Variants in DGAT1 observed in about 807,000 individuals in gnomAD.
The protein encoded by DGAT1 is ACAT related gene product 1.
A neutral mutation model predicts 72.6 loss-of-function variants in DGAT1; 60 were observed. The observed-to-expected ratio is 0.83, with a 90% CI of 0.67 to 1.02. The LOEUF is 1.02. Among genes scored for constraint, DGAT1 ranks in the 50% least tolerant of loss-of-function variants. The pLI is 0.00. For synonymous variants in DGAT1, 290 were observed against 267.5 expected (o/e 1.08, Z -0.82); for missense variants, 592 against 670.0 (o/e 0.88, Z 1.29).
rs369705445 is a variant in DGAT1 at position 144,315,497 on chromosome 8, G to A, written c.*1057C>T. The A allele has an allele frequency of 3.0e-5, 30 of 985,634 alleles. 1 individual carries two copies. In the African/African-American group the frequency reaches 4.5e-4, roughly 15 times the overall value. The allele number at this position is 985,634 out of a possible 1,614,324, so 61.1% of individuals were successfully genotyped here. On this transcript the variant is annotated 3_prime_UTR_variant, in exon 17 of 17. Transcript: ENST00000528718. Reference sequence around the variant, plus strand: ...CATAGCTGCAGGTCTGGGGACACCAGGGCCTGGTCCAGTCTTGGGGTCTTT... The same window carrying A: ...CATAGCTGCAGGTCTGGGGACACCAAGGCCTGGTCCAGTCTTGGGGTCTTT...
chr8:144,316,889 C>A lies in DGAT1; in HGVS notation c.1275G>T (p.Met425Ile). The A allele has an allele frequency of 1.2e-6, 2 of 1,612,126 alleles. No individual in the cohort carries two copies. Among genetic ancestry groups the A allele is most frequent in the East Asian group, 4.5e-5 (2 of 44,846 alleles). The part of the protein sequence containing the change: ...HEYLVSVPLR[M>I]FRLWAFTGMM... ...TGCCCGTGAACGCCCAGAGGCGGAA[C>A]ATTCGCAGAGGGACGCTCACCAGGT... is the stretch of plus-strand genomic sequence containing the variant. The change falls in exon 16 of 17, where the codon ATG (methionine) becomes ATT (isoleucine). Residue 425 changes from methionine (M) to isoleucine (I), a missense_variant. By Grantham distance (10) the Met-to-Ile change is conservative (BLOSUM62 1). Coordinates refer to ENST00000528718, the MANE Select transcript of DGAT1 (RefSeq NM_012079.6).
chr8:144,318,042 A>T lies in DGAT1; in HGVS notation c.752-25T>A, dbSNP rs376658941. On this transcript the variant is annotated intron_variant, in intron 8 of 16. Transcript: ENST00000528718. ...TCTGGAATGGGAATGGGGGGTTGGT[A>T]CCAGAACAGGCCCAGCCTGTCCCCC... The T allele has an allele frequency of 9.9e-6, 15 of 1,518,098 alleles. No homozygotes were observed. In the African/African-American group the frequency reaches 1.8e-4, roughly 18 times the overall value. The allele number at this position is 1,518,098 out of a possible 1,614,324, so 94.0% of individuals were successfully genotyped here. A position where few individuals can be genotyped will look rare whatever the true frequency, so the allele number is the denominator to read the frequency against.
Position 144,316,684 on chromosome 8 carries a change from C to A in DGAT1, c.1337G>T (p.Arg446Leu), listed in dbSNP as rs782420067. 5.6e-5 allele frequency: 90 copies of A among 1,611,900 alleles called. No homozygotes were observed. The highest frequency in any genetic ancestry group is 1.7e-4 in the Middle Eastern group (1 of 6,052). Residue 446 changes from arginine to leucine, a missense_variant, in exon 17 of 17, where the codon CGC (arginine) becomes CTC (leucine). By Grantham distance (102) the Arg-to-Leu change is moderately radical. Transcript: ENST00000528718. ...AQIPLAWFVG[R>L]FFQGNYGNAA... ...GTTGCCATAGTTGCCCTGGAAAAAGCGGCCCACGAACCAGGCCAGTGGGAT... is the reference window on the plus strand; with the variant it reads ...GTTGCCATAGTTGCCCTGGAAAAAGAGGCCCACGAACCAGGCCAGTGGGAT...
chr8:144,322,668 T>C (rs567752088), intron 1 of DGAT1, among the ~76,000 whole-genome samples: 1 of 152,258 alleles, frequency 6.6e-6, no homozygotes, highest in Non-Finnish European at 1.5e-5. Context: ...TGGACAAGTC[T>C]ACACTAGTCC....
chr8:144,317,658 C>T lies in DGAT1; in HGVS notation c.936+13G>A, dbSNP rs1554847359. The T allele has an allele frequency of 1.1e-5, 18 of 1,613,754 alleles. No homozygotes were observed. The highest frequency in any genetic ancestry group is 1.5e-5 in the Non-Finnish European group (18 of 1,180,024). ...CCAGCCACCCCAGCTGCAAGAGCAC[C>T]TGAGCCACTCACCTTGAAGGGCTTC... On this transcript the variant is annotated intron_variant, in intron 11 of 16. Transcript: ENST00000528718.
rs1817173270 is a variant in DGAT1 at position 144,315,574 on chromosome 8, C to A, written c.*980G>T. ...AGGCAGCAGCAGGGCCCTGGGGTTACCCCTGACCTCCCGCTACCATCAAGG... is the reference window on the plus strand; with the variant it reads ...AGGCAGCAGCAGGGCCCTGGGGTTAACCCTGACCTCCCGCTACCATCAAGG... On this transcript the variant is annotated 3_prime_UTR_variant, in exon 17 of 17. Transcript: ENST00000528718. 1.0e-6 allele frequency: 1 copy of A among 985,550 alleles called. No homozygotes were observed. The highest frequency in any genetic ancestry group is 1.2e-6 in the Non-Finnish European group (1 of 830,102). The allele number at this position is 985,550 out of a possible 1,614,324, so 61.1% of individuals were successfully genotyped here. A position where few individuals can be genotyped will look rare whatever the true frequency, so the allele number is the denominator to read the frequency against.
chr8:144,316,190 C>T lies in DGAT1; in HGVS notation c.*364G>A, dbSNP rs537578388. Reference sequence around the variant, plus strand: ...CTGCTGCAGTGGAGCTGCTGCTCCCCGGCAGGTCCTGGGACAGCTGTCCAC... The same window carrying T: ...CTGCTGCAGTGGAGCTGCTGCTCCCTGGCAGGTCCTGGGACAGCTGTCCAC... On this transcript the variant is annotated 3_prime_UTR_variant, in exon 17 of 17. Transcript: ENST00000528718. 469 of 221,944 alleles carry T rather than the reference C, an allele frequency of 2.1e-3. No individual in the cohort carries two copies. The highest frequency in any genetic ancestry group is 9.9e-3 in the African/African-American group (434 of 43,848). The allele number at this position is 221,944 out of a possible 1,614,324, so 13.7% of individuals were successfully genotyped here. A position where few individuals can be genotyped will look rare whatever the true frequency, so the allele number is the denominator to read the frequency against.
Position 144,321,333 on chromosome 8 carries a change from A to G in DGAT1, c.276T>C (p.Cys92=), listed in dbSNP as rs1554848108. Residue 92 remains cysteine, a synonymous_variant, in exon 2 of 17, where the codon TGT becomes TGC. Coordinates refer to ENST00000528718, the MANE Select transcript of DGAT1 (RefSeq NM_012079.6). The part of the protein sequence containing the change: ...FSNYRGILNW[C]VVMLILSNAR... ...ATGTCCCACTCACCAGCATCACCAC[A>G]CACCAGTTCAGGATGCCACGGTAGT... 1.9e-6 allele frequency: 3 copies of G among 1,613,948 alleles called. No individual in the cohort carries two copies. Among genetic ancestry groups the G allele is most frequent in the East Asian group, 2.2e-5 (1 of 44,878 alleles).
rs1564631641 is a variant in DGAT1, at chr8:144,318,472, G to C, written c.563C>G (p.Ser188Cys). The C allele has an allele frequency of 1.2e-6, 2 of 1,611,252 alleles. No individual in the cohort carries two copies. Among genetic ancestry groups the C allele is most frequent in the Non-Finnish European group, 1.7e-6 (2 of 1,179,702 alleles). Reference sequence around the variant, plus strand: ...GGATGGGGGCGCACCTGGAGTGATAGACTCAACCAGTAAGACCACAGCCGC... The same window carrying C: ...GGATGGGGGCGCACCTGGAGTGATACACTCAACCAGTAAGACCACAGCCGC... ...FPAAVVLLVE[S>C]ITPVGSLLAL... The change falls in exon 6 of 17, where the codon TCT becomes TGT. Residue 188 changes from serine to cysteine, a missense_variant. Physicochemically the swap from Ser to Cys is moderately radical, Grantham distance 112 (BLOSUM62 -1). Coordinates refer to ENST00000528718, the MANE Select transcript of DGAT1 (RefSeq NM_012079.6).
chr8:144,318,057 G>C (rs782246517), intron 8 of DGAT1, 38 bp downstream of exon 8: 2 of 1,520,348 alleles, frequency 1.3e-6, no homozygotes, highest in South Asian at 2.6e-5. Context: ...AACAGGCCCA[G>C]CCTGTCCCCC....
In DGAT1 at chr8:144,326,775, C is replaced by T; in HGVS notation, c.-139G>A. ...GCCGCCGTAGCCCGGGTGACCGCCT[C>T]ACCAGCGCGTTCAACCCGCCCGCGT... On this transcript the variant is annotated 5_prime_UTR_variant, in exon 1 of 17. Coordinates refer to ENST00000528718, the MANE Select transcript of DGAT1 (RefSeq NM_012079.6). The T allele has an allele frequency of 1.4e-6, 1 of 704,420 alleles. No homozygotes were observed. Among genetic ancestry groups the T allele is most frequent in the Non-Finnish European group, 1.8e-6 (1 of 549,630 alleles). The allele number at this position is 704,420 out of a possible 1,614,324, so 43.6% of individuals were successfully genotyped here.
Position 144,318,485 on chromosome 8 carries a change from A to C in DGAT1, c.550T>G (p.Leu184Val), listed in dbSNP as rs1817329175. The C allele has an allele frequency of 6.2e-7, 1 of 1,611,504 alleles. No homozygotes were observed. The highest frequency in any genetic ancestry group is 1.7e-5 in the Admixed American group (1 of 59,926). Reference protein sequence around the residue: ...TILCFPAAVVLLVESITPVGS... With the variant: ...TILCFPAAVVVLVESITPVGS... Reference sequence around the variant, plus strand: ...CCTGGAGTGATAGACTCAACCAGTAAGACCACAGCCGCTGGGAAACACAGA... The same window carrying C: ...CCTGGAGTGATAGACTCAACCAGTACGACCACAGCCGCTGGGAAACACAGA... The change falls in exon 6 of 17, where the codon TTA becomes GTA. Residue 184 changes from leucine (L) to valine (V), a missense_variant. Physicochemically the swap from Leu to Val is conservative, Grantham distance 32. Transcript: ENST00000528718.
intron 6 of DGAT1, 25 bp downstream of exon 6, chr8:144,318,432 CAGAT>C: frequency 6.2e-7 from 1 of 1,609,166 alleles, no homozygotes; most frequent in Admixed American, 1.7e-5. Flanking sequence ...TGGCCCGAGA[CAGAT>C]GGGCAGGGTG....
chr8:144,318,856 G>A lies in DGAT1; in HGVS notation c.394C>T (p.Pro132Ser). 1 of 1,612,276 alleles carries A rather than the reference G, an allele frequency of 6.2e-7. No individual in the cohort carries two copies. Among genetic ancestry groups the A allele is most frequent in the Non-Finnish European group, 8.5e-7 (1 of 1,179,200 alleles). ...SLFLKDPYSW[P>S]APCLVIAANV... ...TCACCAATAACCAGGCATGGGGCGG[G>A]CCAGCTATAGGGATCCTTCAGGAAC... The change falls in exon 4 of 17, where the codon CCC becomes TCC. Residue 132 changes from proline to serine, a missense_variant. Coordinates refer to ENST00000528718, the MANE Select transcript of DGAT1 (RefSeq NM_012079.6).
chr8:144,324,288 T>C lies in DGAT1; in HGVS notation c.200+2149A>G, dbSNP rs141820457. On this transcript the variant is annotated intron_variant, in intron 1 of 16. Transcript: ENST00000528718. Reference sequence around the variant, plus strand: ...AATGAGGAAGCGGGAGAGGAAAGGCTGGGCTGGGCCAAGAGCAGCAGGAAG... The same window carrying C: ...AATGAGGAAGCGGGAGAGGAAAGGCCGGGCTGGGCCAAGAGCAGCAGGAAG... Among the ~76,000 whole-genome samples the C allele has an allele frequency of 6.4e-3, 981 of 152,194 alleles. 9 individuals are homozygous for C. Among genetic ancestry groups the C allele is most frequent in the African/African-American group, 0.022 (931 of 41,536 alleles).
chr8:144,317,057 T>C lies in DGAT1; in HGVS notation c.1213A>G (p.Thr405Ala). Residue 405 changes from threonine to alanine, a missense_variant, in exon 15 of 17, where the codon ACA becomes GCA. Physicochemically the swap from Thr to Ala is moderately conservative, Grantham distance 58. Coordinates refer to ENST00000528718, the MANE Select transcript of DGAT1 (RefSeq NM_012079.6). ...AAGGCCGAGGCCAGGAACACCCCTG[T>C]CCTGGCCATCCACTTGCTGCTGCCC... The part of the protein sequence containing the change: ...RRGSSKWMAR[T>A]GVFLASAFFH... 1 of 1,612,760 alleles carries C rather than the reference T, an allele frequency of 6.2e-7. No homozygotes were observed.
chr8:144,318,016 A>T lies in DGAT1; in HGVS notation c.753T>A (p.Asp251Glu). The T allele has an allele frequency of 2.6e-6, 4 of 1,517,580 alleles. No individual in the cohort carries two copies. The highest frequency in any genetic ancestry group is 3.5e-6 in the Non-Finnish European group (4 of 1,134,634). The allele number at this position is 1,517,580 out of a possible 1,614,324, so 94.0% of individuals were successfully genotyped here. ...TGGGGGCGAAGAGGAAGTAGTAGAG[A>T]TCTGGAATGGGAATGGGGGGTTGGT... is the stretch of plus-strand genomic sequence containing the variant. ...VSYPDNLTYR[D>E]LYYFLFAPTL... Residue 251 changes from aspartate (D) to glutamate (E), a missense_variant and splice_region_variant, in exon 9 of 17, where the codon GAT (aspartate) becomes GAA (glutamate). Coordinates refer to ENST00000528718, the MANE Select transcript of DGAT1 (RefSeq NM_012079.6).
intron 1 of DGAT1, among the ~76,000 whole-genome samples, chr8:144,323,618 C>T (rs922860622): frequency 1.3e-5 from 2 of 152,202 alleles, no homozygotes; most frequent in Non-Finnish European, 2.9e-5. Context: ...CAAGCCTCTG[C>T]ACCTTCCAGC....
intron 1 of DGAT1, among the ~76,000 whole-genome samples, chr8:144,325,173 C>A (rs1817568029): frequency 6.6e-6 from 1 of 152,114 alleles, no homozygotes; most frequent in South Asian, 2.1e-4. Context: ...GCCACACCTC[C>A]TTTTCAGGTA....
Sources: allele counts gnomAD v4.1 joint callset (sites outside exome capture counted in the v4.1 genomes callset), GRCh38; gene constraint gnomAD v4.1.1; transcripts MANE v1.5; gene names NCBI Gene and HGNC (gene_info 2026-07-23, HGNC 2026-07-21).